The following HTR4 variants were observed in gnomAD, a reference collection of about 807,000 sequenced individuals.
HTR4 encodes 5-hydroxytryptamine (serotonin) receptor 4, G protein-coupled.
In HTR4, 16 loss-of-function variants were observed where a neutral mutation model predicts 36.8. The ratio of observed to expected loss-of-function variants is 0.43; its 90% CI spans 0.29 to 0.66. The LOEUF (loss-of-function observed/expected upper bound fraction) is 0.66. Ranked by LOEUF, HTR4 falls within the 30% of genes least tolerant of loss-of-function variation. The probability of loss-of-function intolerance (pLI) is 0.13; values close to 1 mark genes in which losing one functional copy is unlikely to be tolerated. For synonymous variants in HTR4, 189 were observed against 185.1 expected (o/e 1.02, Z -0.17); for missense variants, 438 against 490.9 (o/e 0.89, Z 1.02).
At chr5:148,462,151 G>T (rs948440076) in intron 5 of HTR4, among the ~76,000 whole-genome samples, 1 of 151,846 alleles carries the variant, frequency 6.6e-6, no homozygotes, top group African/African-American at 2.4e-5. Flanking sequence ...TAAGTAGAAT[G>T]AAATAATAAA....
At chr5:148,477,654 T>C (rs1755742074), downstream of HTR4, among the ~76,000 whole-genome samples, 1 of 152,218 alleles carries the variant, frequency 6.6e-6, no homozygotes. Context: ...ATGAGGTGTC[T>C]CATGTAAAAT....
At chr5:148,465,917 G>A (rs1474750048) in intron 5 of HTR4, 2 of 1,613,036 alleles carry the variant, frequency 1.2e-6, no homozygotes, top group Non-Finnish European at 1.7e-6. Flanking sequence ...GGAGACAGGG[G>A]AACAGCCACT....
At chr5:148,527,773 C>T (rs1342713088) in intron 4 of HTR4, among the ~76,000 whole-genome samples, 1 of 152,104 alleles carries the variant, frequency 6.6e-6, no homozygotes, top group Non-Finnish European at 1.5e-5. Context: ...ACCACCACAC[C>T]CAGCTAATTT....
intron 2 of HTR4, among the ~76,000 whole-genome samples, chr5:148,574,296 T>C (rs1760797574): frequency 6.6e-6 from 1 of 152,070 alleles, no homozygotes; most frequent in Non-Finnish European, 1.5e-5. Context: ...GAAAATGCAC[T>C]GCTATTCACC....
intron 1 of HTR4, among the ~76,000 whole-genome samples, chr5:148,651,303 A>AT (rs1189486382): frequency 3.3e-5 from 5 of 152,138 alleles, no homozygotes; most frequent in African/African-American, 1.2e-4. Context: ...AGCAAGAGGG[A>AT]TAAAGGTAAA....
chr5:148,460,311 C>A (rs1755241592), intron 5 of HTR4, among the ~76,000 whole-genome samples: 1 of 152,044 alleles, frequency 6.6e-6, no homozygotes, highest in African/African-American at 2.4e-5. Flanking sequence ...GAATACCAAG[C>A]AGGATAAATG....
intron 2 of HTR4, among the ~76,000 whole-genome samples, chr5:148,632,353 G>A (rs1424216506): frequency 6.6e-6 from 1 of 152,084 alleles, no homozygotes. Context: ...TTTTCTGGTT[G>A]CTAATGAGAA....
chr5:148,581,758 AATCAGAAATTTTGGT>A (rs1197405766), intron 2 of HTR4, among the ~76,000 whole-genome samples: 2 of 152,120 alleles, frequency 1.3e-5, no homozygotes, highest in East Asian at 3.9e-4. Context: ...TATATTCTCA[AATCAGAAATTTTGGT>A]AGCTCCAGCT....
chr5:148,591,300 T>G (rs1288398786), intron 2 of HTR4, among the ~76,000 whole-genome samples: 1 of 152,206 alleles, frequency 6.6e-6, no homozygotes, highest in Non-Finnish European at 1.5e-5. Flanking sequence ...AGAATTTCCT[T>G]GGCTATTAGG....
chr5:148,514,308 C>T (rs947561850), intron 5 of HTR4, among the ~76,000 whole-genome samples: 1 of 152,060 alleles, frequency 6.6e-6, no homozygotes, highest in Non-Finnish European at 1.5e-5. Flanking sequence ...TTTAAAAAAT[C>T]GTGAATGGGT....
chr5:148,456,577 C>A (rs749675978), intron 5 of HTR4, among the ~76,000 whole-genome samples: 9 of 152,168 alleles, frequency 5.9e-5, no homozygotes, highest in Non-Finnish European at 1.2e-4. Context: ...CTCCTTGACA[C>A]CTTTGTTGTG....
downstream of HTR4, among the ~76,000 whole-genome samples, chr5:148,478,719 G>C (rs1379628405): frequency 6.6e-6 from 1 of 152,044 alleles, no homozygotes; most frequent in Non-Finnish European, 1.5e-5. Flanking sequence ...AATCTTTTAT[G>C]TGATGGAATT....
At chr5:148,583,182 G>A (rs1388773235) in intron 2 of HTR4, among the ~76,000 whole-genome samples, 4 of 150,184 alleles carry the variant, frequency 2.7e-5, no homozygotes, top group East Asian at 2.0e-4. Context: ...TTCTGCATCT[G>A]TTGAGATAAT....
At chr5:148,545,568 C>T (rs1399036977) in intron 4 of HTR4, among the ~76,000 whole-genome samples, 2 of 152,198 alleles carry the variant, frequency 1.3e-5, no homozygotes, top group East Asian at 1.9e-4. Context: ...ATGGAGTCAG[C>T]GAAGACTTCT....
At chr5:148,520,944 C>G (rs1757983820) in intron 5 of HTR4, 1 of 1,367,664 alleles carries the variant, frequency 7.3e-7, no homozygotes, top group Admixed American at 1.9e-5. Context: ...CTGGCCCAGG[C>G]CTTGGTTTAG....
intron 6 of HTR4, among the ~76,000 whole-genome samples, chr5:148,487,923 C>T (rs980715370): frequency 6.6e-6 from 1 of 152,148 alleles, no homozygotes; most frequent in Non-Finnish European, 1.5e-5. Flanking sequence ...GTTGTCATCA[C>T]ATTGAAGATA....
chr5:148,597,897 C>G (rs557321186), intron 2 of HTR4, among the ~76,000 whole-genome samples: 1 of 152,184 alleles, frequency 6.6e-6, no homozygotes, highest in African/African-American at 2.4e-5. Context: ...ACATAGAAAG[C>G]ATTCCATAAA....
intron 1 of HTR4, among the ~76,000 whole-genome samples, chr5:148,649,826 A>T (rs1344886657): frequency 6.6e-6 from 1 of 152,206 alleles, no homozygotes; most frequent in Non-Finnish European, 1.5e-5. Context: ...TCTTAAAATC[A>T]GATATATTTT....
intron 6 of HTR4, among the ~76,000 whole-genome samples, chr5:148,496,479 A>G (rs1756691033): frequency 6.6e-6 from 1 of 152,180 alleles, no homozygotes; most frequent in Admixed American, 6.5e-5. Flanking sequence ...AGAAATTGGG[A>G]TATTTATTAA....
Sources: allele counts gnomAD v4.1 joint callset (sites outside exome capture counted in the v4.1 genomes callset), GRCh38; gene constraint gnomAD v4.1.1; transcripts MANE v1.5; gene names NCBI Gene and HGNC (gene_info 2026-07-23, HGNC 2026-07-21).